The following BCLAF3 variants were observed in gnomAD, a reference collection of about 807,000 sequenced individuals.
BCLAF3 encodes transient octamer binding factor 1.
A neutral mutation model predicts 51.2 loss-of-function variants in BCLAF3; 24 were observed. The observed-to-expected ratio is 0.47, with a 90% CI of 0.34 to 0.66. The LOEUF is 0.66. BCLAF3 is among the 30% of genes least tolerant of loss of function. BCLAF3 has a pLI of 0.01. For missense variants in BCLAF3, 465 were observed against 525.1 expected (o/e 0.89, Z 1.12); for synonymous variants, 152 against 176.6 (o/e 0.86, Z 1.10).
At chrX:19,964,920 A>C in intron 4 of BCLAF3, 124 bp downstream of exon 4, 1 of 567,340 alleles carries the variant, frequency 1.8e-6, no homozygotes, top group Non-Finnish European at 2.6e-6. Flanking sequence ...TTTGGGGGGG[A>C]AAATTCTTGG....
chrX:19,919,856 CAAAAAAAAAAAA>C (rs763184612), intron 11 of BCLAF3, among the ~76,000 whole-genome samples: 2 of 33,633 alleles, frequency 5.9e-5, no homozygotes, highest in East Asian at 1.2e-3. Flanking sequence ...GACTTCGTCT[CAAAAAAAAAAAA>C]AAAAAAAAAA....
At chrX:19,962,453 GATT>G (rs909335239) in intron 4 of BCLAF3, among the ~76,000 whole-genome samples, 1 of 112,196 alleles carries the variant, frequency 8.9e-6, no homozygotes, top group African/African-American at 3.2e-5. Flanking sequence ...CAAATGCTGG[GATT>G]ACAGGCATGA....
At position 19,966,534 on chromosome X, in the gene BCLAF3, T is replaced by C. The variant is rs1345007432; in HGVS notation, c.157A>G (p.Ser53Gly). 8.3e-7 allele frequency: 1 copy of C among 1,209,587 alleles called. No individual in the cohort carries two copies. Among genetic ancestry groups the C allele is most frequent in the Non-Finnish European group, 1.1e-6 (1 of 895,075 alleles). Residue 53 changes from serine to glycine, a missense_variant, in exon 3 of 12, where the codon AGT becomes GGT. Coordinates refer to ENST00000379682, the MANE Select transcript of BCLAF3 (RefSeq NM_001367774.2). ...GGTTTACTCTGTCCATGTTTCTCACTGTCCATTCTCCACGCGACGGGTCTT... is the reference window on the plus strand; with the variant it reads ...GGTTTACTCTGTCCATGTTTCTCACCGTCCATTCTCCACGCGACGGGTCTT... ...PKRPVAWRMD[S>G]EKHGQSKPRI...
At position 19,979,147 on chromosome X, in the gene BCLAF3, C is replaced by G. The variant is rs781313529; in HGVS notation, c.-34-8849G>C. On this transcript the variant is annotated intron_variant, in intron 1 of 11. Transcript: ENST00000379682. ...TGGTGGCATACACCTATAATCCCAGCTACTTGGAAGGCTGAGGCAGGAGAA... is the reference window on the plus strand; with the variant it reads ...TGGTGGCATACACCTATAATCCCAGGTACTTGGAAGGCTGAGGCAGGAGAA... Among the ~76,000 whole-genome samples the G allele has an allele frequency of 3.6e-5, 4 of 110,624 alleles. No individual in the cohort carries two copies. In the East Asian group the frequency reaches 1.1e-3, roughly 32 times the overall value.
At chrX:19,933,717 G>A (rs140092230) in intron 10 of BCLAF3, among the ~76,000 whole-genome samples, 1,527 of 111,920 alleles carry the variant, frequency 0.014, 9 homozygotes, top group Middle Eastern at 0.018. Context: ...TTACTATGTC[G>A]CTTTGAACTA....
rs201766956 is a variant in BCLAF3 at position 19,965,048 on chromosome X, A to C, written c.1270T>G (p.Phe424Val). 186 of 1,141,941 alleles carry C rather than the reference A, an allele frequency of 1.6e-4. No homozygotes were observed. The highest frequency in any genetic ancestry group is 2.0e-4 in the Non-Finnish European group (175 of 860,256). The allele number at this position is 1,141,941 out of a possible 1,213,427, so 94.1% of individuals were successfully genotyped here. The part of the protein sequence containing the change: ...KVDVKKTVDT[F>V]RVASSYSTER... ...AAGAAAAAACAAAGATAATACCTGA[A>C]TGTATCTACTGTTTTCTTCACATCT... Residue 424 changes from phenylalanine to valine, a missense_variant, in exon 4 of 12, where the codon TTC becomes GTC. Physicochemically the swap from Phe to Val is conservative, Grantham distance 50. Transcript: ENST00000379682.
Position 19,951,595 on chromosome X carries a change from C to CA in BCLAF3, c.1630-728dup, listed in dbSNP as rs58442337. On this transcript the variant is annotated intron_variant, in intron 7 of 11. Transcript: ENST00000379682. ...AGGGTGACAGAGTGAGACTCTGTCG[C>CA]AAAAAAAAAAAAAAAGAAACAAACA... Among the ~76,000 whole-genome samples the CA allele has an allele frequency of 2.7e-3, 104 of 37,933 alleles. No individual in the cohort carries two copies. In the Middle Eastern group the frequency reaches 0.075, roughly 27 times the overall value. The allele number at this position is 37,933 out of a possible 115,157, so 32.9% of individuals were successfully genotyped here.
At chrX:19,948,094 C>T (rs1340759511) in intron 8 of BCLAF3, among the ~76,000 whole-genome samples, 1 of 112,087 alleles carries the variant, frequency 8.9e-6, no homozygotes, top group African/African-American at 3.2e-5. Flanking sequence ...TCAGATGCTG[C>T]TGGTGGAAAT....
At position 19,966,173 on chromosome X, in the gene BCLAF3, T is replaced by G. The variant is rs778929975; in HGVS notation, c.518A>C (p.Glu173Ala). 8.3e-7 allele frequency: 1 copy of G among 1,211,625 alleles called. No individual in the cohort carries two copies. Among genetic ancestry groups the G allele is most frequent in the South Asian group, 1.8e-5 (1 of 56,977 alleles). The change falls in exon 3 of 12, where the codon GAG becomes GCG. Residue 173 changes from glutamate (E) to alanine (A), a missense_variant. By Grantham distance (107) the Glu-to-Ala change is moderately radical. Transcript: ENST00000379682. ...TTCTTGTATCCTCTGGTGCCTCAAC[T>G]CATCTTCATGCCACTTTCCTTCAAA... ...FRFEGKWHEDELRHQRIQEEK... is the reference protein window; with the variant it reads ...FRFEGKWHEDALRHQRIQEEK...
intron 1 of BCLAF3, among the ~76,000 whole-genome samples, chrX:19,986,974 T>A (rs931243824): frequency 2.7e-5 from 3 of 109,796 alleles, no homozygotes; most frequent in African/African-American, 3.3e-5. Flanking sequence ...GCTAATTTTT[T>A]AAAAATTTTT....
chrX:19,916,616 T>G lies in BCLAF3; in HGVS notation c.*689A>C, dbSNP rs1006259937. On this transcript the variant is annotated 3_prime_UTR_variant, in exon 12 of 12. Coordinates refer to ENST00000379682, the MANE Select transcript of BCLAF3 (RefSeq NM_001367774.2). ...GGGAAAAATAAGATGGACTATAGATTACAAAATCTTTACATATTTTCCACA... is the reference window on the plus strand; with the variant it reads ...GGGAAAAATAAGATGGACTATAGATGACAAAATCTTTACATATTTTCCACA... 8.9e-6 allele frequency: 1 copy of G among 112,594 alleles called. No homozygotes were observed. Among genetic ancestry groups the G allele is most frequent in the Non-Finnish European group, 1.9e-5 (1 of 53,222 alleles). The allele number at this position is 112,594 out of a possible 1,213,427, so 9.3% of individuals were successfully genotyped here.
chrX:19,958,576 A>G (rs1170783004), intron 4 of BCLAF3, among the ~76,000 whole-genome samples: 1 of 111,944 alleles, frequency 8.9e-6, no homozygotes, highest in Non-Finnish European at 1.9e-5. Context: ...CTATGTTTAG[A>G]TATGTTTAGA....
intron 2 of BCLAF3, among the ~76,000 whole-genome samples, chrX:19,969,475 A>G (rs2072182951): frequency 8.9e-6 from 1 of 112,360 alleles, no homozygotes; most frequent in Non-Finnish European, 1.9e-5. Flanking sequence ...TAGAAGTTCT[A>G]CACATCCTGA....
chrX:19,959,526 A>G (rs1488886181), intron 4 of BCLAF3, among the ~76,000 whole-genome samples: 1 of 110,861 alleles, frequency 9.0e-6, no homozygotes, highest in Non-Finnish European at 1.9e-5. Context: ...GAGGCTGAAC[A>G]CTTTCGGAGG....
At chrX:19,975,250 A>G (rs1423504087) in intron 1 of BCLAF3, among the ~76,000 whole-genome samples, 1 of 111,430 alleles carries the variant, frequency 9.0e-6, no homozygotes, top group Non-Finnish European at 1.9e-5. Flanking sequence ...GTTAAAAAAA[A>G]AAAAAGAAGA....
intron 11 of BCLAF3, among the ~76,000 whole-genome samples, chrX:19,925,768 C>T (rs979490860): frequency 1.1e-4 from 12 of 111,376 alleles, no homozygotes; most frequent in African/African-American, 3.9e-4. Flanking sequence ...TTTGAAGGCA[C>T]GAAGGCCTGA....
intron 1 of BCLAF3, among the ~76,000 whole-genome samples, chrX:19,970,521 T>C (rs918869728): frequency 1.8e-5 from 2 of 111,747 alleles, no homozygotes; most frequent in African/African-American, 3.3e-5. Context: ...GTGGTAACTA[T>C]TTTAGGCTTT....
chrX:19,977,766 T>C (rs1398109914), intron 1 of BCLAF3, among the ~76,000 whole-genome samples: 1 of 112,121 alleles, frequency 8.9e-6, no homozygotes, highest in Non-Finnish European at 1.9e-5. Context: ...CTTTCACAAT[T>C]AGAGAGGTAA....
chrX:19,953,722 T>C (rs970200007), intron 6 of BCLAF3, 56 bp downstream of exon 6: 26 of 982,217 alleles, frequency 2.6e-5, no homozygotes, highest in Non-Finnish European at 3.7e-5. Flanking sequence ...TCCCAAATCT[T>C]TTCTGAGGTA....
Sources: allele counts gnomAD v4.1 joint callset (sites outside exome capture counted in the v4.1 genomes callset), GRCh38; gene constraint gnomAD v4.1.1; transcripts MANE v1.5; gene names NCBI Gene and HGNC (gene_info 2026-07-23, HGNC 2026-07-21).